The following ERBB4 variants were observed in gnomAD, a reference collection of about 807,000 sequenced individuals.
ERBB4 encodes receptor tyrosine-protein kinase erbB-4.
A neutral mutation model predicts 158.0 loss-of-function variants in ERBB4; 42 were observed. The observed-to-expected ratio is 0.27, with a 90% CI of 0.21 to 0.34. The LOEUF (loss-of-function observed/expected upper bound fraction) is 0.34. Among genes scored for constraint, ERBB4 ranks in the 10% least tolerant of loss-of-function variants. ERBB4 has a pLI of 1.00. For missense variants in ERBB4, 1,333 were observed against 1,624.1 expected (o/e 0.82, Z 3.08); for synonymous variants, 583 against 558.7 (o/e 1.04, Z -0.61).
At chr2:211,431,758 C>A (rs2063752816) in intron 20 of ERBB4, among the ~76,000 whole-genome samples, 1 of 152,182 alleles carries the variant, frequency 6.6e-6, no homozygotes, top group Admixed American at 6.6e-5. Context: ...TTTGTAATGA[C>A]ACTGAAATTA....
At chr2:211,984,231 T>C (rs2081879112) in intron 2 of ERBB4, among the ~76,000 whole-genome samples, 1 of 152,146 alleles carries the variant, frequency 6.6e-6, no homozygotes. Context: ...ACTTATGCCA[T>C]TCAAAGAGTA....
chr2:212,240,740 C>T (rs577443876), intron 1 of ERBB4, among the ~76,000 whole-genome samples: 2 of 151,102 alleles, frequency 1.3e-5, no homozygotes, highest in South Asian at 4.2e-4. Flanking sequence ...CAGTTTATTG[C>T]CATTAGATCA....
At chr2:211,881,843 T>C (rs1319166171) in intron 3 of ERBB4, among the ~76,000 whole-genome samples, 2 of 152,156 alleles carry the variant, frequency 1.3e-5, no homozygotes, top group Non-Finnish European at 2.9e-5. Flanking sequence ...GCCCTTGATA[T>C]TTGTAGCCAT....
At chr2:211,576,546 G>C (rs1324040033) in intron 19 of ERBB4, among the ~76,000 whole-genome samples, 1 of 152,022 alleles carries the variant, frequency 6.6e-6, no homozygotes, top group African/African-American at 2.4e-5. Context: ...TATTGACTTT[G>C]GGAATGTTTG....
intron 20 of ERBB4, among the ~76,000 whole-genome samples, chr2:211,469,632 A>C (rs1352300524): frequency 6.6e-6 from 1 of 152,190 alleles, no homozygotes; most frequent in Non-Finnish European, 1.5e-5. Context: ...GTCTTTTTAA[A>C]TTATACAAGG....
At chr2:211,915,619 A>G (rs2079667941) in intron 3 of ERBB4, among the ~76,000 whole-genome samples, 1 of 151,968 alleles carries the variant, frequency 6.6e-6, no homozygotes, top group Non-Finnish European at 1.5e-5. Flanking sequence ...AATGACACAA[A>G]AGGTCTTGGA....
chr2:212,173,956 A>C (rs2081589887), intron 1 of ERBB4, among the ~76,000 whole-genome samples: 1 of 152,146 alleles, frequency 6.6e-6, no homozygotes, highest in Non-Finnish European at 1.5e-5. Context: ...AGTAGTTCAT[A>C]TATCACAGAA....
At chr2:211,943,189 G>A (rs1288665760) in intron 3 of ERBB4, among the ~76,000 whole-genome samples, 1 of 151,966 alleles carries the variant, frequency 6.6e-6, no homozygotes, top group African/African-American at 2.4e-5. Context: ...ATAAATTATA[G>A]AAGGGAGAAA....
chr2:211,956,565 T>G (rs1259679279), intron 2 of ERBB4, among the ~76,000 whole-genome samples: 1 of 152,056 alleles, frequency 6.6e-6, no homozygotes, highest in Non-Finnish European at 1.5e-5. Context: ...GTTCCTCTTC[T>G]GCACAACAGG....
intron 3 of ERBB4, among the ~76,000 whole-genome samples, chr2:211,913,332 G>A (rs1471334095): frequency 6.6e-6 from 1 of 152,152 alleles, no homozygotes; most frequent in Admixed American, 6.5e-5. Context: ...GGGTGCAGTG[G>A]CTCACACCTG....
At chr2:211,850,762 G>T (rs1575245223) in intron 3 of ERBB4, among the ~76,000 whole-genome samples, 1 of 151,974 alleles carries the variant, frequency 6.6e-6, no homozygotes, top group East Asian at 1.9e-4. Context: ...CCAGATCATG[G>T]CTTAGTCATC....
chr2:212,443,174 A>G (rs1448322792), intron 1 of ERBB4, among the ~76,000 whole-genome samples: 1 of 152,136 alleles, frequency 6.6e-6, no homozygotes, highest in African/African-American at 2.4e-5. Flanking sequence ...TTACTGTCCT[A>G]CCTCAGGGGT....
intron 25 of ERBB4, among the ~76,000 whole-genome samples, chr2:211,413,309 A>AAAAAAAAAAAAAAAAAAACACAC (rs1553524037): frequency 5.3e-5 from 5 of 94,576 alleles, no homozygotes; most frequent in Non-Finnish European, 1.2e-4. Flanking sequence ...CTGTCTTAAA[A>AAAAAAAAAAAAAAAAAAACACAC]ACACACACAC....
chr2:212,058,427 C>G (rs934970887), intron 2 of ERBB4, among the ~76,000 whole-genome samples: 3 of 152,162 alleles, frequency 2.0e-5, no homozygotes, highest in Non-Finnish European at 4.4e-5. Flanking sequence ...GGAATCCTCC[C>G]TAACTCATTT....
At position 212,515,977 on chromosome 2, in the gene ERBB4, C is replaced by G. The variant is rs1382914844; in HGVS notation, c.82+22472G>C. On this transcript the variant is annotated intron_variant, in intron 1 of 27. Coordinates refer to ENST00000342788, the MANE Select transcript of ERBB4 (RefSeq NM_005235.3). The stretch of plus-strand genomic sequence containing the variant: ...ACATTAAAGGAAGTGAATAAGTAAA[C>G]TGATTTCATATAATAATTCTAAAAA... Among the ~76,000 whole-genome samples the G allele has an allele frequency of 3.9e-5, 6 of 152,008 alleles. No individual in the cohort carries two copies. In the East Asian group the frequency reaches 9.7e-4, roughly 24 times the overall value.
intron 5 of ERBB4, among the ~76,000 whole-genome samples, chr2:211,739,713 C>T (rs2074726241): frequency 6.6e-6 from 1 of 152,224 alleles, no homozygotes; most frequent in African/African-American, 2.4e-5. Flanking sequence ...ACGTGATCTG[C>T]CCGCTTCGGC....
chr2:212,068,954 G>T (rs1328401282), intron 2 of ERBB4, among the ~76,000 whole-genome samples: 1 of 152,050 alleles, frequency 6.6e-6, no homozygotes, highest in East Asian at 1.9e-4. Flanking sequence ...TTTGCTGATA[G>T]TCTCATAAAG....
rs1221294816 is a variant in ERBB4 at position 212,492,605 on chromosome 2, C to A, written c.82+45844G>T. Reference sequence around the variant, plus strand: ...TAAATCATAAGCAAAATAAAGGTATCCTGAATTAACATGCCTTTAAAATGA... The same window carrying A: ...TAAATCATAAGCAAAATAAAGGTATACTGAATTAACATGCCTTTAAAATGA... On this transcript the variant is annotated intron_variant, in intron 1 of 27. Coordinates refer to ENST00000342788, the MANE Select transcript of ERBB4 (RefSeq NM_005235.3). 3.3e-5 allele frequency among the ~76,000 whole-genome samples: 5 copies of A among 151,288 alleles called. No homozygotes were observed. The East Asian group carries it at 9.7e-4, about 29-fold the overall frequency.
chr2:212,368,343 G>A (rs564725316), intron 1 of ERBB4, among the ~76,000 whole-genome samples: 1 of 152,198 alleles, frequency 6.6e-6, no homozygotes, highest in South Asian at 2.1e-4. Flanking sequence ...ATCAAACATT[G>A]TATGTTCTCA....
Sources: gnomAD v4.1 joint callset for allele counts (sites outside exome capture counted in the v4.1 genomes callset) on GRCh38, gnomAD v4.1.1 for gene constraint, MANE v1.5 for transcripts, NCBI Gene and HGNC (gene_info 2026-07-23, HGNC 2026-07-21) for gene names.